Variants in ZNF583 observed in about 807,000 individuals in gnomAD.
The protein encoded by ZNF583 is zinc finger protein L3-5.
Under a neutral mutation model 55.3 loss-of-function variants are expected in ZNF583, and 30 were observed. That is an observed-to-expected ratio of 0.54 (90% confidence interval 0.41 to 0.74). ZNF583 has a LOEUF of 0.74. Among genes scored for constraint, ZNF583 ranks in the 30% least tolerant of loss-of-function variants. The pLI is 0.00. For synonymous variants in ZNF583, 208 were observed against 220.0 expected, an observed-to-expected ratio of 0.95 and a Z score of 0.48; for missense variants, 504 against 664.7, an observed-to-expected ratio of 0.76 and a Z score of 2.66.
At chr19:56,409,533 A>G (rs2042206077) in intron 2 of ZNF583, among the ~76,000 whole-genome samples, 1 of 151,050 alleles carries the variant, frequency 6.6e-6, no homozygotes, top group African/African-American at 2.5e-5. Flanking sequence ...ATGGGGTCTC[A>G]CTATTTTGCC....
chr19:56,411,320 G>C (rs2042235089), intron 2 of ZNF583, among the ~76,000 whole-genome samples: 1 of 151,940 alleles, frequency 6.6e-6, no homozygotes, highest in Admixed American at 6.6e-5. Flanking sequence ...CAAAGGAGTG[G>C]GGGGAAATCA....
rs1051168304 is a variant in ZNF583, at chr19:56,426,930, A to G, written c.*2562A>G. On this transcript the variant is annotated 3_prime_UTR_variant, in exon 5 of 5. Coordinates refer to ENST00000333201, the MANE Select transcript of ZNF583 (RefSeq NM_152478.3). ...CTATTATACACATAGAACAATGTAA[A>G]TGATTCTTAAAAAAAAAAAAAAGGT... 1 of 122,538 alleles carries G rather than the reference A, an allele frequency of 8.2e-6. No individual in the cohort carries two copies. Among genetic ancestry groups the G allele is most frequent in the African/African-American group, 2.9e-5 (1 of 34,010 alleles). 7.6% of individuals were successfully genotyped at this position (122,538 alleles called of 1,614,324 possible).
intron 4 of ZNF583, among the ~76,000 whole-genome samples, chr19:56,419,290 G>A (rs923086954): frequency 2.0e-5 from 3 of 151,544 alleles, no homozygotes; most frequent in African/African-American, 7.3e-5. Context: ...CCACCTCCCG[G>A]GTTCAAGCGA....
rs1026073061 is a variant in ZNF583, at chr19:56,425,123, C to T, written c.*755C>T. On this transcript the variant is annotated 3_prime_UTR_variant, in exon 5 of 5. Coordinates refer to ENST00000333201, the MANE Select transcript of ZNF583 (RefSeq NM_152478.3). ...GGAGGGTATCTAACAGTAGGATTTA[C>T]ATTAGAGTCCATGATATAGGGTAAG... The T allele has an allele frequency of 6.6e-6, 1 of 151,660 alleles. No homozygotes were observed. The highest frequency in any genetic ancestry group is 1.5e-5 in the Non-Finnish European group (1 of 67,974). 9.4% of individuals were successfully genotyped at this position (151,660 alleles called of 1,614,324 possible).
rs992733601 is a variant in ZNF583 at position 56,427,287 on chromosome 19, G to A, written c.*2919G>A. On this transcript the variant is annotated 3_prime_UTR_variant, in exon 5 of 5. Coordinates refer to ENST00000333201, the MANE Select transcript of ZNF583 (RefSeq NM_152478.3). ...TATTTCACACCATTAACAAGTATAA[G>A]TTCTAACTGAATAAAAATCTAAATG... 2.0e-5 allele frequency: 3 copies of A among 152,068 alleles called. No homozygotes were observed. Among genetic ancestry groups the A allele is most frequent in the Non-Finnish European group, 4.4e-5 (3 of 67,998 alleles). The allele number at this position is 152,068 out of a possible 1,614,324, so 9.4% of individuals were successfully genotyped here. A position where few individuals can be genotyped will look rare whatever the true frequency, so the allele number is the denominator to read the frequency against.
Position 56,424,076 on chromosome 19 carries a change from T to C in ZNF583, c.1418T>C (p.Phe473Ser). 6.2e-7 allele frequency: 1 copy of C among 1,614,042 alleles called. No individual in the cohort carries two copies. Among genetic ancestry groups the C allele is most frequent in the Non-Finnish European group, 8.5e-7 (1 of 1,179,982 alleles). Reference protein sequence around the residue: ...PYMCKECRKTFSQNAGLAQHQ... With the variant: ...PYMCKECRKTSSQNAGLAQHQ... ...ATGTGTAAGGAATGTAGGAAAACAT[T>C]TAGCCAGAATGCAGGCCTTGCTCAA... The change falls in exon 5 of 5, where the codon TTT (phenylalanine) becomes TCT (serine). Residue 473 changes from phenylalanine (F) to serine (S), a missense_variant. Around this residue, in one of 3 missense-constraint regions of ZNF583, gnomAD observed 237 missense variants for 373.0 expected, o/e 0.64. Coordinates refer to ENST00000333201, the MANE Select transcript of ZNF583 (RefSeq NM_152478.3).
Position 56,423,043 on chromosome 19 carries a change from AAG to A in ZNF583, c.387_388del (p.Asn130ProfsTer10), listed in dbSNP as rs772039669. 1 of 1,614,038 alleles carries A rather than the reference AAG, an allele frequency of 6.2e-7. No individual in the cohort carries two copies. Among genetic ancestry groups the A allele is most frequent in the Non-Finnish European group, 8.5e-7 (1 of 1,179,950 alleles). On this transcript the variant is annotated frameshift_variant, in exon 5 of 5. Coordinates refer to ENST00000333201, the MANE Select transcript of ZNF583 (RefSeq NM_152478.3). LOFTEE classifies it high-confidence loss of function. ...REDCQSEDWY[K>X]NQLGSQEVHL... ...AGACTGTCAAAGTGAGGACTGGTATAAGAACCAGCTGGGAAGTCAAGAGGTAC... is the reference window on the plus strand; with the variant it reads ...AGACTGTCAAAGTGAGGACTGGTATAAACCAGCTGGGAAGTCAAGAGGTAC...
intron 1 of ZNF583, among the ~76,000 whole-genome samples, chr19:56,406,741 A>G (rs867414147): frequency 2.0e-5 from 3 of 151,990 alleles, no homozygotes; most frequent in Non-Finnish European, 2.9e-5. Flanking sequence ...GTTAGCCAGG[A>G]TGGTCTCGAT....
At chr19:56,408,187 G>A (rs1048692612) in intron 2 of ZNF583, among the ~76,000 whole-genome samples, 6 of 151,998 alleles carry the variant, frequency 3.9e-5, no homozygotes, top group African/African-American at 1.5e-4. Flanking sequence ...AAAATACATA[G>A]AGGTTAAATG....
intron 4 of ZNF583, among the ~76,000 whole-genome samples, chr19:56,419,496 C>T (rs1471808869): frequency 6.6e-6 from 1 of 152,160 alleles, no homozygotes; most frequent in East Asian, 1.9e-4. Flanking sequence ...GCCCAGCCTG[C>T]GGGTTTACTT....
intron 2 of ZNF583, among the ~76,000 whole-genome samples, chr19:56,410,563 G>C (rs190162397): frequency 2.6e-4 from 39 of 152,148 alleles, no homozygotes; most frequent in Admixed American, 7.8e-4. Flanking sequence ...TTAGCTGAGC[G>C]TGGTGGTGGG....
At chr19:56,411,508 T>C (rs1313881084) in intron 2 of ZNF583, among the ~76,000 whole-genome samples, 1 of 152,216 alleles carries the variant, frequency 6.6e-6, no homozygotes, top group Non-Finnish European at 1.5e-5. Flanking sequence ...AGCTAAAAAA[T>C]GTCTCAAGGA....
chr19:56,406,810 AG>A (rs201031902), intron 1 of ZNF583, among the ~76,000 whole-genome samples: 3,234 of 152,302 alleles, frequency 0.021, 46 homozygotes, highest in Non-Finnish European at 0.031. Context: ...TACAGGCGTG[AG>A]CCACCGCGCC....
chr19:56,419,614 G>A (rs547604410), intron 4 of ZNF583, among the ~76,000 whole-genome samples: 9 of 152,228 alleles, frequency 5.9e-5, no homozygotes, highest in South Asian at 2.1e-4. Flanking sequence ...GAATAAAATG[G>A]TATTATTTCT....
At chr19:56,419,675 A>AT (rs1368678718) in intron 4 of ZNF583, among the ~76,000 whole-genome samples, 2 of 152,122 alleles carry the variant, frequency 1.3e-5, no homozygotes, top group African/African-American at 2.4e-5. Flanking sequence ...GGCCTGAAGT[A>AT]TTTTTTACAT....
chr19:56,426,585 G>C lies in ZNF583; in HGVS notation c.*2217G>C, dbSNP rs893752773. ...TAAAATTGCTCATAAAAATCCCTTAGGAAATGACGCTTTTCTCCAGCTCAT... is the reference window on the plus strand; with the variant it reads ...TAAAATTGCTCATAAAAATCCCTTACGAAATGACGCTTTTCTCCAGCTCAT... On this transcript the variant is annotated 3_prime_UTR_variant, in exon 5 of 5. Coordinates refer to ENST00000333201, the MANE Select transcript of ZNF583 (RefSeq NM_152478.3). 1.3e-5 allele frequency: 2 copies of C among 152,114 alleles called. No individual in the cohort carries two copies. The highest frequency in any genetic ancestry group is 2.9e-5 in the Non-Finnish European group (2 of 68,032). 9.4% of individuals were successfully genotyped at this position (152,114 alleles called of 1,614,324 possible).
At chr19:56,422,685 G>T (rs1034345931) in intron 4 of ZNF583, among the ~76,000 whole-genome samples, 6 of 151,982 alleles carry the variant, frequency 3.9e-5, no homozygotes, top group Non-Finnish European at 8.8e-5. Context: ...TCATTGTTTT[G>T]TTCTTATATT....
chr19:56,422,896 G>T lies in ZNF583; in HGVS notation c.238G>T (p.Glu80Ter). The T allele has an allele frequency of 6.3e-7, 1 of 1,593,918 alleles. No homozygotes were observed. The highest frequency in any genetic ancestry group is 1.1e-5 in the South Asian group (1 of 87,274). ...EGTRGPCPDW[E>*]YVFKNSEFSS... Reference sequence around the variant, plus strand: ...TGTTTCTTGATATCTTTTAGATTGGGAGTATGTATTTAAAAACAGTGAATT... The same window carrying T: ...TGTTTCTTGATATCTTTTAGATTGGTAGTATGTATTTAAAAACAGTGAATT... The change falls in exon 5 of 5, where the codon GAG (glutamate) becomes TAG (stop). Residue 80 changes from glutamate (E) to a stop codon, truncating the protein, a stop_gained. Coordinates refer to ENST00000333201, the MANE Select transcript of ZNF583 (RefSeq NM_152478.3). LOFTEE classifies it high-confidence loss of function.
rs562762296 is a variant in ZNF583 at position 56,427,162 on chromosome 19, A to C, written c.*2794A>C. The C allele has an allele frequency of 1.3e-5, 2 of 152,102 alleles. No individual in the cohort carries two copies. Among genetic ancestry groups the C allele is most frequent in the African/African-American group, 4.8e-5 (2 of 41,388 alleles). 9.4% of individuals were successfully genotyped at this position (152,102 alleles called of 1,614,324 possible). On this transcript the variant is annotated 3_prime_UTR_variant, in exon 5 of 5. Coordinates refer to ENST00000333201, the MANE Select transcript of ZNF583 (RefSeq NM_152478.3). ...TGGCTTCTAAGAAGACATGATGAAA[A>C]GCCTCTTGAAGCCTTTGTATGTGAA...
Sources: allele counts gnomAD v4.1 joint callset (sites outside exome capture counted in the v4.1 genomes callset), GRCh38; gene constraint gnomAD v4.1.1; regional missense constraint gnomAD v4.1.1; transcripts MANE v1.5; gene names NCBI Gene and HGNC (gene_info 2026-07-23, HGNC 2026-07-21).